CDK8: variants seen among roughly 807,000 people sequenced by gnomAD.
CDK8 encodes the protein cyclin-dependent kinase 8.
Under a neutral mutation model 71.5 loss-of-function variants are expected in CDK8, and 29 were observed. That is an observed-to-expected ratio of 0.41 (90% CI 0.30 to 0.55). CDK8 has a LOEUF of 0.55. Ranked by LOEUF, CDK8 falls within the 20% of genes least tolerant of loss-of-function variation. CDK8 has a pLI of 0.37. For missense variants in CDK8, 288 were observed against 572.6 expected (o/e 0.50, Z 5.07); for synonymous variants, 161 against 192.1 (o/e 0.84, Z 1.34).
chr13:26,277,054 A>G (rs1310359896), intron 1 of CDK8, among the ~76,000 whole-genome samples: 1 of 152,198 alleles, frequency 6.6e-6, no homozygotes, highest in Non-Finnish European at 1.5e-5. Context: ...GAGTAAACAA[A>G]ACAATTCTAT....
At chr13:26,345,997 CACATAATCCAG>C (rs1173621827) in intron 2 of CDK8, among the ~76,000 whole-genome samples, 3 of 152,180 alleles carry the variant, frequency 2.0e-5, no homozygotes, top group African/African-American at 7.2e-5. Flanking sequence ...ATTGTAAAGA[CACATAATCCAG>C]ACATAATCCA....
Position 26,254,282 on chromosome 13 carries a change from CGCA to C in CDK8, c.-355_-353del, listed in dbSNP as rs1416483747. On this transcript the variant is annotated 5_prime_UTR_variant, in exon 1 of 13. Transcript: ENST00000381527. This position sits in a 1 kb window ranked among gnomAD's most constrained non-coding sequence, Gnocchi z 6.7. ...CGCCTGGCCGCCCCGCCGCTCCCGC[CGCA>C]GCAGGAGCAGAACGCGCGGCCGGAG... The C allele has an allele frequency of 3.6e-6, 1 of 277,462 alleles. No homozygotes were observed. The highest frequency in any genetic ancestry group is 6.9e-6 in the Non-Finnish European group (1 of 145,430). 17.2% of individuals were successfully genotyped at this position (277,462 alleles called of 1,614,324 possible). A position where few individuals can be genotyped will look rare whatever the true frequency, so the allele number is the denominator to read the frequency against.
At chr13:26,270,444 A>G (rs1275925029) in intron 1 of CDK8, among the ~76,000 whole-genome samples, 2 of 151,768 alleles carry the variant, frequency 1.3e-5, no homozygotes, top group East Asian at 1.9e-4. Context: ...GCTTTTTGAT[A>G]TATTCACAGG....
intron 1 of CDK8, among the ~76,000 whole-genome samples, chr13:26,270,355 C>G (rs974890710): frequency 1.3e-5 from 2 of 151,100 alleles, no homozygotes; most frequent in Non-Finnish European, 2.9e-5. Flanking sequence ...CGCCATTGCA[C>G]TCCAGCCTGG....
intron 9 of CDK8, among the ~76,000 whole-genome samples, chr13:26,398,962 C>CAA (rs200778680): frequency 0.02 from 2,739 of 136,730 alleles, 28 homozygotes; most frequent in East Asian, 0.034. Flanking sequence ...GACTCTATCT[C>CAA]AAAAAAAAAA....
At chr13:26,387,761 TTTC>T (rs1240929055) in intron 6 of CDK8, among the ~76,000 whole-genome samples, 1 of 152,172 alleles carries the variant, frequency 6.6e-6, no homozygotes, top group Non-Finnish European at 1.5e-5. Context: ...ACATGGCCAG[TTTC>T]TTCTTCTCAT....
chr13:26,353,103 A>G (rs1027341861), intron 3 of CDK8, among the ~76,000 whole-genome samples: 3 of 152,220 alleles, frequency 2.0e-5, no homozygotes. Flanking sequence ...AAAACTTGTA[A>G]GGCACATTTA....
chr13:26,254,495 C>G lies in CDK8; in HGVS notation c.-147C>G. The G allele has an allele frequency of 6.4e-6, 4 of 624,988 alleles. No individual in the cohort carries two copies. The South Asian group carries it at 8.0e-5, about 12-fold the overall frequency. 38.7% of individuals were successfully genotyped at this position (624,988 alleles called of 1,614,324 possible). On this transcript the variant is annotated 5_prime_UTR_variant, in exon 1 of 13. Transcript: ENST00000381527. The surrounding 1 kb of genome is among the most constrained non-coding windows in gnomAD (Gnocchi z 6.7). ...GGCGCTTTCGCGGGGCCTCCTCCTG[C>G]TCTTGCCGCATCAGTCGGGCTGGTG...
intron 1 of CDK8, among the ~76,000 whole-genome samples, chr13:26,261,350 G>A (rs539313946): frequency 4.1e-4 from 63 of 152,182 alleles, no homozygotes; most frequent in Non-Finnish European, 5.3e-4. Flanking sequence ...TTAAAAGTAT[G>A]TGATCAGTAT....
intron 1 of CDK8, among the ~76,000 whole-genome samples, chr13:26,291,694 A>G (rs1873312487): frequency 6.6e-6 from 1 of 152,074 alleles, no homozygotes; most frequent in Admixed American, 6.6e-5. Context: ...ATTTAGAGTA[A>G]TCTGTTGCAA....
intron 4 of CDK8, among the ~76,000 whole-genome samples, chr13:26,363,022 A>T (rs1226549036): frequency 1.3e-5 from 2 of 151,156 alleles, no homozygotes; most frequent in African/African-American, 4.9e-5. Flanking sequence ...TTTCAAGTTC[A>T]ATTACAAGAT....
At chr13:26,264,265 C>CTT (rs147202437) in intron 1 of CDK8, among the ~76,000 whole-genome samples, 2 of 151,586 alleles carry the variant, frequency 1.3e-5, no homozygotes, top group African/African-American at 4.8e-5. Flanking sequence ...AGCTGCCGTT[C>CTT]TTTTTTTTCT....
rs574007025 is a variant in CDK8, at chr13:26,265,203, A to G, written c.128+10434A>G. Among the ~76,000 whole-genome samples the G allele has an allele frequency of 4.1e-4, 62 of 152,266 alleles. 2 individuals are homozygous for G. In the South Asian group the frequency reaches 0.012, roughly 30 times the overall value. ...GTACTAGTTTACATTCCCACCAACT[A>G]TGCTAGGTTCTGTGCCAGATGTAGG... On this transcript the variant is annotated intron_variant, in intron 1 of 12. Coordinates refer to ENST00000381527, the MANE Select transcript of CDK8 (RefSeq NM_001260.3).
chr13:26,291,752 C>T (rs1482216140), intron 1 of CDK8, among the ~76,000 whole-genome samples: 2 of 152,002 alleles, frequency 1.3e-5, no homozygotes, highest in Admixed American at 6.6e-5. Context: ...CATAGTTTTC[C>T]CCATCCTCAC....
chr13:26,330,676 A>G (rs1875274129), intron 1 of CDK8, among the ~76,000 whole-genome samples: 1 of 151,148 alleles, frequency 6.6e-6, no homozygotes, highest in African/African-American at 2.4e-5. Context: ...AACGTGCAAT[A>G]TTTGTCTTTT....
At chr13:26,297,652 C>T (rs1308973050) in intron 1 of CDK8, among the ~76,000 whole-genome samples, 1 of 152,150 alleles carries the variant, frequency 6.6e-6, no homozygotes, top group Non-Finnish European at 1.5e-5. Context: ...CAAGGACTGT[C>T]TTTCTCTGTT....
chr13:26,296,155 A>G (rs1156953806), intron 1 of CDK8, among the ~76,000 whole-genome samples: 3 of 152,196 alleles, frequency 2.0e-5, no homozygotes, highest in Non-Finnish European at 4.4e-5. Flanking sequence ...GTTATTGTCA[A>G]CATCGCCTAA....
rs182588264 is a variant in CDK8, at chr13:26,346,876, C to T, written c.205-2196C>T. Among the ~76,000 whole-genome samples, 65 of 152,172 alleles carry T rather than the reference C, an allele frequency of 4.3e-4. 1 individual carries two copies. The East Asian group carries it at 9.7e-3, about 23-fold the overall frequency. On this transcript the variant is annotated intron_variant, in intron 2 of 12. Coordinates refer to ENST00000381527, the MANE Select transcript of CDK8 (RefSeq NM_001260.3). ...TCTTTGCTGAAGTTTACTTCAAAGC[C>T]CCCAATATAGTGTTAACTTTACATT...
chr13:26,400,420 A>C, intron 9 of CDK8, 33 bp from the exon 10 acceptor site: 1 of 1,274,098 alleles, frequency 7.8e-7, no homozygotes. Flanking sequence ...GTGAGAAGCA[A>C]TACCGTCATG....
Sources: allele counts gnomAD v4.1 joint callset (sites outside exome capture counted in the v4.1 genomes callset), GRCh38; gene constraint gnomAD v4.1.1; non-coding constraint Gnocchi (gnomAD v3.1); transcripts MANE v1.5; gene names NCBI Gene and HGNC (gene_info 2026-07-23, HGNC 2026-07-21).